The following RBM24 variants were observed in gnomAD, a reference collection of about 807,000 sequenced individuals.
RBM24 encodes the protein RNA-binding protein 24.
Under a neutral mutation model 23.6 loss-of-function variants are expected in RBM24, and 5 were observed. That is an observed-to-expected ratio of 0.21 (90% CI 0.11 to 0.45). The LOEUF (loss-of-function observed/expected upper bound fraction) is 0.45, where lower values mean the gene tolerates loss of function less well. Among genes scored for constraint, RBM24 ranks in the 20% least tolerant of loss-of-function variants. The probability of loss-of-function intolerance (pLI) is 0.99; values close to 1 mark genes in which losing one functional copy is unlikely to be tolerated. For synonymous variants in RBM24, 151 were observed against 129.5 expected (o/e 1.17, Z -1.13); for missense variants, 252 against 314.6 (o/e 0.80, Z 1.51).
At position 17,281,926 on chromosome 6, in the gene RBM24, C is replaced by T; in HGVS notation, c.168+177C>T. On this transcript the variant is annotated intron_variant, in intron 1 of 3. Coordinates refer to ENST00000379052, the MANE Select transcript of RBM24 (RefSeq NM_001143942.2). The surrounding 1 kb of genome is among the most constrained non-coding windows in gnomAD (Gnocchi z 7.1). ...TGCTAGGGGAGAGGGTCGGCGCCAG[C>T]CTCGCGGGGTTCGGAGAAGACCCAG... is the stretch of plus-strand genomic sequence containing the variant. 1 of 1,334,940 alleles carries T rather than the reference C, an allele frequency of 7.5e-7. No individual in the cohort carries two copies. The allele number at this position is 1,334,940 out of a possible 1,614,324, so 82.7% of individuals were successfully genotyped here.
At chr6:17,284,770 C>T (rs1760143897) in intron 3 of RBM24, 59 bp downstream of exon 3, 2 of 1,293,324 alleles carry the variant, frequency 1.5e-6, no homozygotes, top group Non-Finnish European at 1.1e-6. Flanking sequence ...GTTAACGTGC[C>T]TCTTTGTTAT....
chr6:17,287,701 C>G (rs545066656), intron 3 of RBM24, among the ~76,000 whole-genome samples: 6 of 151,890 alleles, frequency 4.0e-5, no homozygotes, highest in East Asian at 1.9e-4. Flanking sequence ...TCCAGCTACT[C>G]GGGAGGCTGA....
intron 3 of RBM24, among the ~76,000 whole-genome samples, chr6:17,286,187 A>ATTTTT (rs11437494): frequency 3.8e-5 from 5 of 132,676 alleles, no homozygotes; most frequent in East Asian, 4.4e-4. Context: ...AACTACTACT[A>ATTTTT]TTTTTTTTTT....
In RBM24 at chr6:17,293,217, A is replaced by G. The variant is rs535342529; in HGVS notation, c.*1098A>G. ...TATACTGTGCCTTAATAGTAATGCT[A>G]TTTAAGATATTTATTTTTAAGTTTT... On this transcript the variant is annotated 3_prime_UTR_variant, in exon 4 of 4. Transcript: ENST00000379052. 1.3e-5 allele frequency: 2 copies of G among 152,770 alleles called. No individual in the cohort carries two copies. The highest frequency in any genetic ancestry group is 3.9e-4 in the East Asian group (2 of 5,190). The allele number at this position is 152,770 out of a possible 1,614,324, so 9.5% of individuals were successfully genotyped here.
rs1760372839 is a variant in RBM24 at position 17,291,894 on chromosome 6, A to AGCTGCTGCTGCTGCCGCC, written c.489_506dup (p.Ala167_Ala172dup). On this transcript the variant is annotated inframe_insertion, in exon 4 of 4. Coordinates refer to ENST00000379052, the MANE Select transcript of RBM24 (RefSeq NM_001143942.2). The stretch of plus-strand genomic sequence containing the variant: ...GAGCTGCATACGCACAATACTCAGC[A>AGCTGCTGCTGCTGCCGCC]GCTGCTGCTGCTGCCGCCGCCGCTG... The AGCTGCTGCTGCTGCCGCC allele has an allele frequency of 6.2e-7, 1 of 1,613,730 alleles. No individual in the cohort carries two copies. Among genetic ancestry groups the AGCTGCTGCTGCTGCCGCC allele is most frequent in the Non-Finnish European group, 8.5e-7 (1 of 1,179,934 alleles).
At chr6:17,286,547 G>C (rs1466486308) in intron 3 of RBM24, among the ~76,000 whole-genome samples, 4 of 152,158 alleles carry the variant, frequency 2.6e-5, no homozygotes, top group African/African-American at 9.7e-5. Flanking sequence ...ATTAGTTTGG[G>C]AAGCAAAAGT....
intron 3 of RBM24, chr6:17,288,479 A>G: frequency 1.0e-6 from 1 of 984,314 alleles, no homozygotes; most frequent in Non-Finnish European, 1.2e-6. Flanking sequence ...ATGCACAGCA[A>G]TCCAGGGTTG....
At chr6:17,289,916 G>A (rs984887855) in intron 3 of RBM24, 88 of 1,276,562 alleles carry the variant, frequency 6.9e-5, no homozygotes, top group South Asian at 4.2e-4. Flanking sequence ...CTGTTGTTGC[G>A]AGTGAGCCAG....
intron 3 of RBM24, chr6:17,289,523 C>G (rs1760292233): frequency 1.0e-6 from 1 of 985,290 alleles, no homozygotes; most frequent in South Asian, 4.7e-5. Flanking sequence ...CCTAAGCAAC[C>G]TTGCCTGTCT....
At chr6:17,282,114 G>T in intron 1 of RBM24, 1 of 1,219,832 alleles carries the variant, frequency 8.2e-7, no homozygotes, top group South Asian at 1.5e-5. Context: ...CTGTTGCTTT[G>T]TAAAAATGCG....
At chr6:17,285,226 CCTT>C (rs575085074) in intron 3 of RBM24, 1,747 of 152,268 alleles carry the variant, frequency 0.011, 12 homozygotes, top group Non-Finnish European at 0.018. Context: ...AGTCAATAGC[CCTT>C]CGTGTGCTTT....
chr6:17,291,050 GCA>G (rs1760342423), intron 3 of RBM24, among the ~76,000 whole-genome samples: 1 of 152,226 alleles, frequency 6.6e-6, no homozygotes, highest in South Asian at 2.1e-4. Context: ...AGAGTGAGCT[GCA>G]CTACAGTTCG....
intron 3 of RBM24, chr6:17,290,800 C>CCCAA (rs1561737477): frequency 8.3e-7 from 1 of 1,202,618 alleles, no homozygotes; most frequent in Admixed American, 2.3e-5. Flanking sequence ...CCTGCCTTTT[C>CCCAA]CCTCAACCTC....
chr6:17,289,020 T>TG lies in RBM24; in HGVS notation c.348-2735dup, dbSNP rs1400165690. The TG allele has an allele frequency of 3.0e-6, 3 of 985,280 alleles. No homozygotes were observed. In the African/African-American group the frequency reaches 5.2e-5, roughly 17 times the overall value. 61.0% of individuals were successfully genotyped at this position (985,280 alleles called of 1,614,324 possible). ...TGTTGCTTTAAAAGTCACATAGAGA[T>TG]GTCAGTGGAACCTGAAGAGATGGGA... On this transcript the variant is annotated intron_variant, in intron 3 of 3. Transcript: ENST00000379052.
Position 17,291,859 on chromosome 6 carries a change from G to C in RBM24, c.451G>C (p.Asp151His). 9 of 1,614,004 alleles carry C rather than the reference G, an allele frequency of 5.6e-6. No homozygotes were observed. The highest frequency in any genetic ancestry group is 7.6e-6 in the Non-Finnish European group (9 of 1,180,006). Residue 151 changes from aspartate to histidine, a missense_variant, in exon 4 of 4, where the codon GAT becomes CAT. By Grantham distance (81) the Asp-to-His change is moderately conservative. Transcript: ENST00000379052. ...AAAASTTPYI[D>H]YTGAAYAQYS... ...TGCCGCCTCCACCACCCCTTACATT[G>C]ATTACACTGGAGCTGCATACGCACA... is the stretch of plus-strand genomic sequence containing the variant.
rs1760379782 is a variant in RBM24, at chr6:17,292,030, ACAGCTGCCGCCGCCGCTGCAGCAG to A, written c.624_647del (p.Ala214_Ala221del). ...GCCAATCACCGCAGCGGCACCTGGG[ACAGCTGCCGCCGCCGCTGCAGCAG>A]CTGCTGCCGCTGCAGCATTTGGCCA... On this transcript the variant is annotated inframe_deletion, in exon 4 of 4. Transcript: ENST00000379052. 2 of 1,599,624 alleles carry A rather than the reference ACAGCTGCCGCCGCCGCTGCAGCAG, an allele frequency of 1.3e-6. No homozygotes were observed. The highest frequency in any genetic ancestry group is 2.7e-5 in the African/African-American group (2 of 74,784).
At chr6:17,282,707 A>T in intron 1 of RBM24, 98 bp from the exon 2 acceptor site, 1 of 1,435,668 alleles carries the variant, frequency 7.0e-7, no homozygotes, top group African/African-American at 1.5e-5. Flanking sequence ...GTTTGATCTC[A>T]GTTTTATCAT....
chr6:17,291,571 T>G (rs1187656849), intron 3 of RBM24, among the ~76,000 whole-genome samples, 185 bp from the exon 4 acceptor site: 1 of 151,686 alleles, frequency 6.6e-6, no homozygotes, highest in East Asian at 1.9e-4. Context: ...TGGGGTCCAG[T>G]TCTTCTGGGG....
chr6:17,286,433 C>T (rs1256303079), intron 3 of RBM24, among the ~76,000 whole-genome samples: 1 of 152,100 alleles, frequency 6.6e-6, no homozygotes, highest in African/African-American at 2.4e-5. Context: ...TGGGCTCACA[C>T]TAATAATCTT....
Sources: gnomAD v4.1 joint callset for allele counts (sites outside exome capture counted in the v4.1 genomes callset) on GRCh38, gnomAD v4.1.1 for gene constraint, Gnocchi (gnomAD v3.1) non-coding constraint, MANE v1.5 for transcripts, NCBI Gene and HGNC (gene_info 2026-07-23, HGNC 2026-07-21) for gene names.